The following MFSD11 variants were observed in gnomAD, a reference collection of about 807,000 sequenced individuals.
MFSD11 encodes UNC93-like protein MFSD11.
A neutral mutation model predicts 53.5 loss-of-function variants in MFSD11; 36 were observed. The observed-to-expected ratio is 0.67, with a 90% CI of 0.52 to 0.89. The LOEUF is 0.89. Among genes scored for constraint, MFSD11 ranks in the 40% least tolerant of loss-of-function variants. The pLI is 0.00. For synonymous variants in MFSD11, 186 were observed against 184.9 expected, an observed-to-expected ratio of 1.01 and a Z score of -0.05; for missense variants, 530 against 543.9, an observed-to-expected ratio of 0.97 and a Z score of 0.25.
At chr17:76,756,548 A>T (rs2079650791) in intron 8 of MFSD11, among the ~76,000 whole-genome samples, 1 of 152,184 alleles carries the variant, frequency 6.6e-6, no homozygotes, top group Non-Finnish European at 1.5e-5. Context: ...TTGCAGGCCT[A>T]GAAACTTGTC....
rs368030502 is a variant in MFSD11, at chr17:76,754,075, G to C, written c.670G>C (p.Val224Leu). The change falls in exon 8 of 13, where the codon GTA (valine) becomes CTA (leucine). Residue 224 changes from valine (V) to leucine (L), a missense_variant. Val to Leu is a conservative substitution (Grantham distance 32, BLOSUM62 1). Transcript: ENST00000685175. ...TGCCCAGAACAATCTGACAAAGGCA[G>C]TAGATGCTTTTAGTAAGTATTTTCT... is the stretch of plus-strand genomic sequence containing the variant. ...ESAQNNLTKA[V>L]DAFKKSFKLC... is the part of the protein sequence containing the mutation. The C allele has an allele frequency of 9.9e-6, 16 of 1,612,952 alleles. No homozygotes were observed. The African/African-American group carries it at 1.9e-4, about 19-fold the overall frequency.
At chr17:76,767,631 G>T (rs2080977047) in intron 9 of MFSD11, among the ~76,000 whole-genome samples, 180 bp downstream of exon 9, 1 of 152,156 alleles carries the variant, frequency 6.6e-6, no homozygotes, top group South Asian at 2.1e-4. Context: ...CTTCACTGTG[G>T]TCAGATGATA....
the MFSD11 span, among the ~76,000 whole-genome samples, chr17:76,786,888 T>TCA: frequency 2.0e-5 from 3 of 152,048 alleles, no homozygotes; most frequent in African/African-American, 7.2e-5. Flanking sequence ...CGATATTGGC[T>TCA]CACTGCAGCC....
chr17:76,743,710 G>A (rs756937862), intron 6 of MFSD11, among the ~76,000 whole-genome samples: 9 of 152,026 alleles, frequency 5.9e-5, no homozygotes, highest in Non-Finnish European at 8.8e-5. Context: ...TCCGCCTCCC[G>A]GGTTCAAACA....
At chr17:76,742,128 ACT>A in intron 4 of MFSD11, 47 bp from the exon 5 acceptor site, 1 of 1,613,442 alleles carries the variant, frequency 6.2e-7, no homozygotes, top group Non-Finnish European at 8.5e-7. Context: ...TTAGTATGTG[ACT>A]CTAAGTGAAT....
intron 8 of MFSD11, chr17:76,766,931 G>A (rs979377769): frequency 6.4e-6 from 1 of 155,738 alleles, no homozygotes; most frequent in Non-Finnish European, 1.4e-5. Context: ...AGAATCTTGG[G>A]AAGTGGTGCC....
chr17:76,783,335 G>A (rs913858208), downstream of MFSD11, among the ~76,000 whole-genome samples: 3 of 152,008 alleles, frequency 2.0e-5, no homozygotes, highest in African/African-American at 7.3e-5. Context: ...GTTTCATATT[G>A]TCTATATTTA....
the MFSD11 span, among the ~76,000 whole-genome samples, chr17:76,798,564 A>G: frequency 6.6e-6 from 1 of 152,116 alleles, no homozygotes; most frequent in East Asian, 1.9e-4. Flanking sequence ...ACAACCAAAG[A>G]CACTCCTGTC....
At chr17:76,737,600 C>A (rs546232870), upstream of MFSD11, 29 of 221,888 alleles carry the variant, frequency 1.3e-4, no homozygotes, top group African/African-American at 6.4e-4. Context: ...CGGACGATCG[C>A]GATTGGGCAG....
chr17:76,768,388 G>A (rs910239635), intron 9 of MFSD11, among the ~76,000 whole-genome samples: 12 of 151,470 alleles, frequency 7.9e-5, no homozygotes, highest in Non-Finnish European at 1.0e-4. Flanking sequence ...GTACCCTTAA[G>A]TCAAGAATGA....
At chr17:76,768,192 C>T (rs543780161) in intron 9 of MFSD11, among the ~76,000 whole-genome samples, 1 of 151,538 alleles carries the variant, frequency 6.6e-6, no homozygotes, top group South Asian at 2.1e-4. Context: ...TAGCCCCAGC[C>T]ACTCAGGAGG....
intron 9 of MFSD11, among the ~76,000 whole-genome samples, chr17:76,768,720 C>T (rs2081101052): frequency 6.6e-6 from 1 of 152,064 alleles, no homozygotes; most frequent in Non-Finnish European, 1.5e-5. Flanking sequence ...CACAGTGGCT[C>T]ATGTCTGTAA....
At chr17:76,747,879 C>T (rs2078690098) in intron 7 of MFSD11, 1 of 152,222 alleles carries the variant, frequency 6.6e-6, no homozygotes, top group Non-Finnish European at 1.5e-5. Context: ...AGCATTCTCT[C>T]TTCCTGAATC....
intron 2 of MFSD11, among the ~76,000 whole-genome samples, chr17:76,739,511 A>T (rs1430575976): frequency 1.3e-5 from 2 of 152,224 alleles, no homozygotes; most frequent in Non-Finnish European, 2.9e-5. Context: ...GAACCTTGTG[A>T]TTGGACCTGA....
intron 7 of MFSD11, among the ~76,000 whole-genome samples, chr17:76,748,299 A>C (rs2078734614): frequency 6.6e-6 from 1 of 152,190 alleles, no homozygotes; most frequent in Non-Finnish European, 1.5e-5. Flanking sequence ...TAGTGTGATT[A>C]GAAGCTGTTG....
rs774957668 is a variant in MFSD11, at chr17:76,744,402, C to G, written c.577C>G (p.Pro193Ala). The G allele has an allele frequency of 2.5e-6, 4 of 1,614,024 alleles. No individual in the cohort carries two copies. The South Asian group carries it at 3.3e-5, about 13-fold the overall frequency. Residue 193 changes from proline to alanine, a missense_variant, in exon 7 of 13, where the codon CCA becomes GCA. Coordinates refer to ENST00000685175, the MANE Select transcript of MFSD11 (RefSeq NM_001242532.5). Reference sequence around the variant, plus strand: ...AGTTCTATTCTTTCTCATTCGGAAACCAGATTCTGAAAATGTCCTAGGAGA... The same window carrying G: ...AGTTCTATTCTTTCTCATTCGGAAAGCAGATTCTGAAAATGTCCTAGGAGA... ...GTVLFFLIRK[P>A]DSENVLGEDE...
chr17:76,755,397 C>T (rs2079460963), intron 8 of MFSD11, among the ~76,000 whole-genome samples: 1 of 152,184 alleles, frequency 6.6e-6, no homozygotes, highest in South Asian at 2.1e-4. Context: ...GGCAGTTATT[C>T]TCAAGAAGAG....
intron 7 of MFSD11, among the ~76,000 whole-genome samples, chr17:76,747,524 G>A (rs375250250): frequency 1.5e-4 from 23 of 152,110 alleles, no homozygotes; most frequent in Admixed American, 4.6e-4. Flanking sequence ...TAGTAGAGAC[G>A]GGGCTTCACT....
chr17:76,743,438 G>C lies in MFSD11; in HGVS notation c.478G>C (p.Gly160Arg). The change falls in exon 6 of 13, where the codon GGG becomes CGG. Residue 160 changes from glycine (G) to arginine (R), a missense_variant. By Grantham distance (125) the Gly-to-Arg change is moderately radical (BLOSUM62 -2). Transcript: ENST00000685175. ...GNLYIYFAWQ[G>R]KTQISESDRR... ...TCTCTACATATATTTTGCCTGGCAA[G>C]GGAAAACTCAGATATCAGGTTTGTT... 1 of 1,580,390 alleles carries C rather than the reference G, an allele frequency of 6.3e-7. No individual in the cohort carries two copies. Among genetic ancestry groups the C allele is most frequent in the Non-Finnish European group, 8.6e-7 (1 of 1,165,836 alleles).
Sources: gnomAD v4.1 joint callset for allele counts (sites outside exome capture counted in the v4.1 genomes callset) on GRCh38, gnomAD v4.1.1 for gene constraint, MANE v1.5 for transcripts, NCBI Gene and HGNC (gene_info 2026-07-23, HGNC 2026-07-21) for gene names.